CADM2: variants seen among roughly 807,000 people sequenced by gnomAD.
The protein encoded by CADM2 is cell adhesion molecule 2.
Under a neutral mutation model 49.8 loss-of-function variants are expected in CADM2, and 12 were observed. The ratio of observed to expected loss-of-function variants is 0.24; its 90% confidence interval spans 0.15 to 0.39. CADM2 has a LOEUF of 0.39. Ranked by LOEUF, CADM2 falls within the 10% of genes least tolerant of loss-of-function variation. The pLI is 1.00. For missense variants in CADM2, 378 were observed against 492.3 expected (o/e 0.77, Z 2.20); for synonymous variants, 214 against 175.4 (o/e 1.22, Z -1.74).
chr3:85,155,055 C>T (rs528827455), intron 1 of CADM2, among the ~76,000 whole-genome samples: 1 of 147,676 alleles, frequency 6.8e-6, no homozygotes, highest in Admixed American at 6.7e-5. Flanking sequence ...AACCAGCTAA[C>T]ATCATAATGA....
At chr3:85,971,261 A>G (rs948725187) in intron 8 of CADM2, among the ~76,000 whole-genome samples, 1 of 151,544 alleles carries the variant, frequency 6.6e-6, no homozygotes, top group African/African-American at 2.4e-5. Context: ...ACGTTTTTTC[A>G]TGTATCATTT....
intron 1 of CADM2, among the ~76,000 whole-genome samples, chr3:85,479,917 T>C (rs927811691): frequency 6.6e-6 from 1 of 151,970 alleles, no homozygotes; most frequent in Admixed American, 6.6e-5. Context: ...TTATTTGATT[T>C]GGAATCTTTC....
intron 1 of CADM2, among the ~76,000 whole-genome samples, chr3:85,491,876 G>C (rs1576649528): frequency 1.3e-5 from 2 of 151,762 alleles, no homozygotes; most frequent in Non-Finnish European, 1.5e-5. Context: ...GGCGTGAATC[G>C]GGCAGGCGGA....
At chr3:85,949,920 A>G (rs1353966321) in intron 7 of CADM2, among the ~76,000 whole-genome samples, 1 of 151,112 alleles carries the variant, frequency 6.6e-6, no homozygotes, top group East Asian at 2.0e-4. Flanking sequence ...AATGGTTTAT[A>G]GGCTTCTGAT....
At chr3:85,786,324 C>G (rs967914799) in intron 2 of CADM2, among the ~76,000 whole-genome samples, 2 of 151,954 alleles carry the variant, frequency 1.3e-5, no homozygotes, top group Admixed American at 1.3e-4. Context: ...ATTTCTTTAG[C>G]AAATTTATCT....
At chr3:85,104,823 C>T (rs4348009) in intron 1 of CADM2, among the ~76,000 whole-genome samples, 14,473 of 149,742 alleles carry the variant, frequency 0.097, 1,224 homozygotes, top group Admixed American at 0.27. Flanking sequence ...TTTTATTCTC[C>T]TTGAAGCAAT....
At chr3:84,979,247 ACTT>A (rs1367389129) in intron 1 of CADM2, among the ~76,000 whole-genome samples, 5 of 152,194 alleles carry the variant, frequency 3.3e-5, no homozygotes, top group African/African-American at 1.2e-4. Context: ...GTGTTTGTAA[ACTT>A]CTACTGATGC....
At chr3:85,739,736 A>C (rs1368023914) in intron 2 of CADM2, among the ~76,000 whole-genome samples, 4 of 152,160 alleles carry the variant, frequency 2.6e-5, no homozygotes, top group Non-Finnish European at 4.4e-5. Flanking sequence ...GAAAATAGAT[A>C]AAATTTAACC....
At chr3:85,786,581 A>G (rs1429378812) in intron 2 of CADM2, among the ~76,000 whole-genome samples, 1 of 152,098 alleles carries the variant, frequency 6.6e-6, no homozygotes, top group Non-Finnish European at 1.5e-5. Flanking sequence ...TGTTTTTAAA[A>G]AAGATAGTTT....
intron 3 of CADM2, among the ~76,000 whole-genome samples, chr3:85,808,962 C>A (rs1220473506): frequency 6.6e-6 from 1 of 152,154 alleles, no homozygotes; most frequent in East Asian, 1.9e-4. Flanking sequence ...ATCCATGCCA[C>A]CTGACTGTAT....
At chr3:85,063,546 A>T (rs1164300003) in intron 1 of CADM2, among the ~76,000 whole-genome samples, 2 of 152,036 alleles carry the variant, frequency 1.3e-5, no homozygotes, top group African/African-American at 2.4e-5. Flanking sequence ...CTTAAACAGG[A>T]TAAACTTATA....
chr3:85,961,256 A>G (rs543040968), intron 7 of CADM2, among the ~76,000 whole-genome samples: 12 of 151,636 alleles, frequency 7.9e-5, no homozygotes, highest in Admixed American at 3.9e-4. Flanking sequence ...CTGAATACAT[A>G]TCTGCTTAGT....
intron 1 of CADM2, among the ~76,000 whole-genome samples, chr3:85,344,973 C>A (rs1449065518): frequency 6.6e-6 from 1 of 152,092 alleles, no homozygotes; most frequent in Non-Finnish European, 1.5e-5. Flanking sequence ...AGCAATCTAA[C>A]ACTATCTGAT....
rs960707103 is a variant in CADM2, at chr3:85,427,046, A to G, written c.62-299476A>G. Among the ~76,000 whole-genome samples, 4 of 151,630 alleles carry G rather than the reference A, an allele frequency of 2.6e-5. No homozygotes were observed. In the East Asian group the frequency reaches 7.7e-4, roughly 29 times the overall value. On this transcript the variant is annotated intron_variant, in intron 1 of 9. Transcript: ENST00000383699. ...GGAAAAGGATTCATAGGATGTTTCCATGTATATGACTAATTTGTATATCTA... is the reference window on the plus strand; with the variant it reads ...GGAAAAGGATTCATAGGATGTTTCCGTGTATATGACTAATTTGTATATCTA...
At chr3:85,177,253 G>C (rs886753384) in intron 1 of CADM2, among the ~76,000 whole-genome samples, 2 of 152,036 alleles carry the variant, frequency 1.3e-5, no homozygotes, top group South Asian at 4.1e-4. Context: ...CTCCTAGTAC[G>C]GGGCAGTAAG....
chr3:85,554,857 A>C (rs539251831), intron 1 of CADM2, among the ~76,000 whole-genome samples: 1 of 142,618 alleles, frequency 7.0e-6, no homozygotes, highest in South Asian at 2.3e-4. Flanking sequence ...ATATTTTTTT[A>C]TTTGACTTTA....
chr3:85,066,306 C>A (rs1045807099), intron 1 of CADM2, among the ~76,000 whole-genome samples: 15 of 151,574 alleles, frequency 9.9e-5, no homozygotes, highest in Non-Finnish European at 1.0e-4. Flanking sequence ...GTTCCCAAAT[C>A]TGGCCCACCA....
chr3:85,927,257 A>G (rs924344228), intron 6 of CADM2, among the ~76,000 whole-genome samples: 17 of 152,350 alleles, frequency 1.1e-4, no homozygotes, highest in African/African-American at 3.8e-4. Flanking sequence ...TTACTCAACA[A>G]TTACTTAATT....
At chr3:85,709,119 C>A (rs888429268) in intron 1 of CADM2, among the ~76,000 whole-genome samples, 1 of 152,166 alleles carries the variant, frequency 6.6e-6, no homozygotes, top group Admixed American at 6.5e-5. Context: ...TAACTCAGAT[C>A]TCTAAACACA....
Sources: gnomAD v4.1 joint callset for allele counts (sites outside exome capture counted in the v4.1 genomes callset) on GRCh38, gnomAD v4.1.1 for gene constraint, MANE v1.5 for transcripts, NCBI Gene and HGNC (gene_info 2026-07-23, HGNC 2026-07-21) for gene names.